GPR162: variants seen among roughly 807,000 people sequenced by gnomAD.
The protein encoded by GPR162 is G protein-coupled receptor 162, also known as probable G protein-coupled receptor 162.
GPR162 carries 26 observed loss-of-function variants against 44.9 expected under a neutral mutation model. That is an observed-to-expected ratio of 0.58 (90% confidence interval 0.42 to 0.80). GPR162 has a LOEUF of 0.80. GPR162 is among the 30% of genes least tolerant of loss of function. GPR162 has a pLI of 0.00. For missense variants in GPR162, 704 were observed against 802.3 expected (o/e 0.88, Z 1.48); for synonymous variants, 363 against 335.2 (o/e 1.08, Z -0.91).
rs1555119389 is a variant in GPR162 at position 6,822,903 on chromosome 12, C to T, written c.-431-565C>T. On this transcript the variant is annotated intron_variant, in intron 1 of 4. Transcript: ENST00000311268. The surrounding 1 kb of genome is among the most constrained non-coding windows in gnomAD (Gnocchi z 4.2). ...GCTTCTGATGTCAGCGGTTTCCCCG[C>T]CTTCAGGTTCCCTAGCACCCCCTTC... Among the ~76,000 whole-genome samples, 1 of 152,228 alleles carries T rather than the reference C, an allele frequency of 6.6e-6. No individual in the cohort carries two copies. Among genetic ancestry groups the T allele is most frequent in the East Asian group, 1.9e-4 (1 of 5,198 alleles).
At chr12:6,825,207 C>T in intron 2 of GPR162, 1 of 558,840 alleles carries the variant, frequency 1.8e-6, no homozygotes, top group Non-Finnish European at 3.2e-6. Flanking sequence ...CATCTAGTCA[C>T]TGTTCCTGGG....
chr12:6,824,984 T>G (rs1943334542), intron 2 of GPR162: 1 of 696,830 alleles, frequency 1.4e-6, no homozygotes, highest in Non-Finnish European at 2.6e-6. Context: ...AGCTCCAGCA[T>G]CTGCTTCAGT....
intron 2 of GPR162, chr12:6,825,215 GGGTTCCTGTCTGTCTCTAC>G: frequency 1.8e-6 from 1 of 563,774 alleles, no homozygotes; most frequent in Non-Finnish European, 3.2e-6. Flanking sequence ...CACTGTTCCT[GGGTTCCTGTCTGTCTCTAC>G]GGTTCCTGGT....
Position 6,826,784 on chromosome 12 carries a change from C to CG in GPR162, c.1352dup (p.Pro452SerfsTer3). On this transcript the variant is annotated frameshift_variant, in exon 5 of 5. Transcript: ENST00000311268. LOFTEE classifies it high-confidence loss of function. ...TCCTCCCAGCCCAGAGCCGGGCCCTCGGGGGTCCTCCTGAGTACCTGGGAC... is the reference window on the plus strand; with the variant it reads ...TCCTCCCAGCCCAGAGCCGGGCCCTCGGGGGGTCCTCCTGAGTACCTGGGAC... The CG allele has an allele frequency of 1.2e-6, 2 of 1,609,236 alleles. No homozygotes were observed. The highest frequency in any genetic ancestry group is 1.7e-6 in the Non-Finnish European group (2 of 1,177,560).
At position 6,826,201 on chromosome 12, in the gene GPR162, G is replaced by A. The variant is rs531107311; in HGVS notation, c.1063G>A (p.Gly355Ser). Residue 355 changes from glycine (G) to serine (S), a missense_variant, in exon 4 of 5, where the codon GGC (glycine) becomes AGC (serine). Gly to Ser is a moderately conservative substitution (Grantham distance 56). Around this residue, in one of 6 missense-constraint regions of GPR162, gnomAD observed 404 missense variants for 314.1 expected, o/e 1.29. Transcript: ENST00000311268. ...MSEEDGDDDG[G>S]CDDYAEGRVC... Reference sequence around the variant, plus strand: ...CTGCCCATTTTCTCTCCTAGATGGGGGCTGTGACGACTATGCAGAGGGCCG... The same window carrying A: ...CTGCCCATTTTCTCTCCTAGATGGGAGCTGTGACGACTATGCAGAGGGCCG... 1.4e-5 allele frequency: 23 copies of A among 1,613,382 alleles called. No homozygotes were observed. Among genetic ancestry groups the A allele is most frequent in the Non-Finnish European group, 1.9e-5 (22 of 1,179,648 alleles).
intron 2 of GPR162, 126 bp downstream of exon 2, chr12:6,824,891 C>T: frequency 1.3e-6 from 1 of 785,550 alleles, no homozygotes; most frequent in Non-Finnish European, 2.2e-6. Flanking sequence ...CATCCATCTT[C>T]CTCTCCTCTG....
At position 6,827,208 on chromosome 12, in the gene GPR162, C is replaced by A; in HGVS notation, c.*4C>A. On this transcript the variant is annotated 3_prime_UTR_variant, in exon 5 of 5. Coordinates refer to ENST00000311268, the MANE Select transcript of GPR162 (RefSeq NM_019858.2). ...CTTTCCCCAGCTGACCCTGTGAGCCCAAGCAGGCCTGCTGAACTCAGAGGA... is the reference window on the plus strand; with the variant it reads ...CTTTCCCCAGCTGACCCTGTGAGCCAAAGCAGGCCTGCTGAACTCAGAGGA... The A allele has an allele frequency of 1.3e-6, 2 of 1,596,106 alleles. No individual in the cohort carries two copies. Among genetic ancestry groups the A allele is most frequent in the East Asian group, 2.2e-5 (1 of 44,498 alleles).
At position 6,826,567 on chromosome 12, in the gene GPR162, G is replaced by GCACC. The variant is rs1591575278; in HGVS notation, c.1216-85_1216-82dup. The GCACC allele has an allele frequency of 1.4e-5, 18 of 1,264,862 alleles. No individual in the cohort carries two copies. In the East Asian group the frequency reaches 4.2e-4, roughly 30 times the overall value. 78.4% of individuals were successfully genotyped at this position (1,264,862 alleles called of 1,614,324 possible). On this transcript the variant is annotated intron_variant, in intron 4 of 4. Coordinates refer to ENST00000311268, the MANE Select transcript of GPR162 (RefSeq NM_019858.2). ...AAACGTTTTGAAGGTTAAGAAGGTG[G>GCACC]CACCATCTTCCGGAGTCCCCACTTG...
At chr12:6,824,824 C>T in intron 2 of GPR162, 59 bp downstream of exon 2, 2 of 1,372,028 alleles carry the variant, frequency 1.5e-6, no homozygotes, top group South Asian at 1.2e-5. Context: ...GCATCATCAC[C>T]TGACCTCCAA....
rs1555120324 is a variant in GPR162, at chr12:6,826,946, G to A, written c.1509G>A (p.Glu503=). ...GPPRGPGFFR[E]EITTFIDETP... ...CACGGGGTCCTGGCTTCTTCCGGGA[G>A]GAGATCACCACCTTCATCGATGAGA... Residue 503 remains glutamate, a synonymous_variant, in exon 5 of 5, where the codon GAG becomes GAA. Coordinates refer to ENST00000311268, the MANE Select transcript of GPR162 (RefSeq NM_019858.2). 1 of 1,613,270 alleles carries A rather than the reference G, an allele frequency of 6.2e-7. No individual in the cohort carries two copies. Among genetic ancestry groups the A allele is most frequent in the Non-Finnish European group, 8.5e-7 (1 of 1,180,000 alleles).
chr12:6,826,136 G>A (rs1943351351), intron 3 of GPR162, 60 bp from the exon 4 acceptor site: 3 of 1,364,618 alleles, frequency 2.2e-6, no homozygotes, highest in Admixed American at 1.8e-5. Flanking sequence ...TAAAGGCAGT[G>A]GTGGGAGGCC....
rs1943381005 is a variant in GPR162 at position 6,827,340 on chromosome 12, C to G, written c.*136C>G. The G allele has an allele frequency of 1.5e-6, 1 of 669,726 alleles. No homozygotes were observed. Among genetic ancestry groups the G allele is most frequent in the Non-Finnish European group, 2.5e-6 (1 of 396,066 alleles). 41.5% of individuals were successfully genotyped at this position (669,726 alleles called of 1,614,324 possible). On this transcript the variant is annotated 3_prime_UTR_variant, in exon 5 of 5. Coordinates refer to ENST00000311268, the MANE Select transcript of GPR162 (RefSeq NM_019858.2). The stretch of plus-strand genomic sequence containing the variant: ...TGGGGCTCAGAAGGCCCTGCTCTCT[C>G]CCATCCAAGTGACCAGATGCCCTAC...
intron 3 of GPR162, 76 bp downstream of exon 3, chr12:6,825,749 G>A: frequency 7.5e-7 from 1 of 1,334,450 alleles, no homozygotes; most frequent in Non-Finnish European, 1.0e-6. Flanking sequence ...CTCAGCCAGA[G>A]GATGGGCTGC....
chr12:6,825,520 C>T lies in GPR162; in HGVS notation c.904C>T (p.Pro302Ser). The T allele has an allele frequency of 1.9e-6, 3 of 1,610,922 alleles. No homozygotes were observed. The highest frequency in any genetic ancestry group is 2.7e-5 in the African/African-American group (2 of 74,970). ...CTTCTCCCTCAAGTCGGACTCGGCG[C>T]CCCCCTGGATGGTGCTGGCTGTGCT... is the stretch of plus-strand genomic sequence containing the variant. ...SFFSLKSDSAPPWMVLAVLWC... is the reference protein window; with the variant it reads ...SFFSLKSDSASPWMVLAVLWC... The change falls in exon 3 of 5, where the codon CCC (proline) becomes TCC (serine). Residue 302 changes from proline (P) to serine (S), a missense_variant. Coordinates refer to ENST00000311268, the MANE Select transcript of GPR162 (RefSeq NM_019858.2).
chr12:6,825,363 G>A (rs1189596321), intron 2 of GPR162, 121 bp from the exon 3 acceptor site: 3 of 644,906 alleles, frequency 4.7e-6, no homozygotes, highest in South Asian at 1.9e-5. Flanking sequence ...CTTCGCCTCT[G>A]TTGGAGCACA....
Position 6,823,582 on chromosome 12 carries a change from C to G in GPR162, c.-317C>G. ...GAAGTCCCAGCATGGGGACCAGAAC[C>G]CCCCAGCCAGCCTCATAGTTGGGAA... On this transcript the variant is annotated 5_prime_UTR_variant, in exon 2 of 5. Transcript: ENST00000311268. 1 of 549,198 alleles carries G rather than the reference C, an allele frequency of 1.8e-6. No individual in the cohort carries two copies. Among genetic ancestry groups the G allele is most frequent in the Admixed American group, 3.3e-5 (1 of 30,096 alleles). The allele number at this position is 549,198 out of a possible 1,614,324, so 34.0% of individuals were successfully genotyped here.
At chr12:6,825,134 G>T (rs874627) in intron 2 of GPR162, 214,227 of 524,272 alleles carry the variant, frequency 0.41, 45,461 homozygotes, top group East Asian at 0.55. Context: ...TCCTTCCCTC[G>T]GGCTGCCACA....
rs1555120257 is a variant in GPR162 at position 6,826,845 on chromosome 12, G to C, written c.1408G>C (p.Glu470Gln). ...HRLEDEEDEE[E>Q]AEGGGLASLR... ...GTTGGAGGACGAGGAGGACGAGGAA[G>C]AGGCTGAAGGTGGGGGGCTGGCCAG... Residue 470 changes from glutamate to glutamine, a missense_variant, in exon 5 of 5, where the codon GAG becomes CAG. Glu to Gln is a conservative substitution (Grantham distance 29). Coordinates refer to ENST00000311268, the MANE Select transcript of GPR162 (RefSeq NM_019858.2). 7 of 1,611,674 alleles carry C rather than the reference G, an allele frequency of 4.3e-6. No individual in the cohort carries two copies. The highest frequency in any genetic ancestry group is 1.3e-5 in the African/African-American group (1 of 74,860).
intron 2 of GPR162, chr12:6,825,054 A>C (rs1482867748): frequency 9.6e-6 from 6 of 627,018 alleles, no homozygotes; most frequent in African/African-American, 9.0e-5. Flanking sequence ...CAGCTCCGTC[A>C]TCCATCCTGC....
Sources: allele counts gnomAD v4.1 joint callset (sites outside exome capture counted in the v4.1 genomes callset), GRCh38; gene constraint gnomAD v4.1.1; regional missense constraint gnomAD v4.1.1; non-coding constraint Gnocchi (gnomAD v3.1); transcripts MANE v1.5; gene names NCBI Gene and HGNC (gene_info 2026-07-23, HGNC 2026-07-21).